Variants in DMRT1 observed in about 807,000 individuals in gnomAD.
DMRT1 encodes the protein doublesex and mab-3 related transcription factor 1, also known as doublesex- and mab-3-related transcription factor 1.
A neutral mutation model predicts 32.3 loss-of-function variants in DMRT1; 7 were observed. That is an observed-to-expected ratio of 0.22 (90% CI 0.12 to 0.41). The LOEUF is 0.41. Ranked by LOEUF, DMRT1 falls within the 10% of genes least tolerant of loss-of-function variation. The pLI is 1.00. For synonymous variants in DMRT1, 278 were observed against 206.1 expected (o/e 1.35, Z -2.99); for missense variants, 625 against 500.5 (o/e 1.25, Z -2.37).
At chr9:914,805 G>A (rs1416853941) in intron 3 of DMRT1, among the ~76,000 whole-genome samples, 1 of 152,128 alleles carries the variant, frequency 6.6e-6, no homozygotes, top group Non-Finnish European at 1.5e-5. Flanking sequence ...CTTGAGAGCA[G>A]TAGAGATCAA....
intron 4 of DMRT1, among the ~76,000 whole-genome samples, chr9:925,804 A>T (rs1171048396): frequency 1.3e-5 from 2 of 152,166 alleles, no homozygotes; most frequent in East Asian, 3.8e-4. Context: ...AAGCATAGAG[A>T]CAGTGCCTGT....
At chr9:877,808 G>T (rs372379545) in intron 2 of DMRT1, among the ~76,000 whole-genome samples, 1 of 152,042 alleles carries the variant, frequency 6.6e-6, no homozygotes, top group East Asian at 1.9e-4. Flanking sequence ...ATGGAGAGTT[G>T]ATTATTTTTC....
At chr9:904,525 G>A (rs1400515940) in intron 3 of DMRT1, among the ~76,000 whole-genome samples, 4 of 152,208 alleles carry the variant, frequency 2.6e-5, no homozygotes, top group African/African-American at 9.6e-5. Context: ...GTATTACAGA[G>A]TATGCGTTAG....
chr9:857,104 C>T (rs997509316), intron 2 of DMRT1, among the ~76,000 whole-genome samples: 4 of 152,128 alleles, frequency 2.6e-5, no homozygotes, highest in Non-Finnish European at 4.4e-5. Context: ...CACCTGAGGT[C>T]AGGAGTTCGA....
intron 3 of DMRT1, among the ~76,000 whole-genome samples, chr9:910,856 A>C (rs988023103): frequency 6.6e-6 from 1 of 152,096 alleles, no homozygotes; most frequent in African/African-American, 2.4e-5. Flanking sequence ...ATTCACTGGA[A>C]TCCTGGGTTT....
intron 2 of DMRT1, among the ~76,000 whole-genome samples, chr9:851,192 C>G (rs1438270960): frequency 6.6e-6 from 1 of 152,070 alleles, no homozygotes. Flanking sequence ...TACCTGATGT[C>G]TAGTGTTTAC....
intron 4 of DMRT1, among the ~76,000 whole-genome samples, chr9:937,197 A>G (rs973222893): frequency 2.6e-5 from 4 of 152,152 alleles, no homozygotes; most frequent in African/African-American, 9.7e-5. Flanking sequence ...TTTATGGCTG[A>G]ATAATATTGC....
intron 4 of DMRT1, among the ~76,000 whole-genome samples, chr9:954,881 C>A (rs565246775): frequency 1.3e-5 from 2 of 152,124 alleles, no homozygotes; most frequent in African/African-American, 4.8e-5. Context: ...ACCTCGTGAT[C>A]TGCCTGCCTC....
intron 2 of DMRT1, among the ~76,000 whole-genome samples, chr9:871,011 C>G (rs980499290): frequency 6.6e-6 from 1 of 151,780 alleles, no homozygotes; most frequent in South Asian, 2.1e-4. Flanking sequence ...CCCATACATT[C>G]AAGCCTTTTA....
At chr9:856,402 C>T (rs1044719433) in intron 2 of DMRT1, among the ~76,000 whole-genome samples, 10 of 152,116 alleles carry the variant, frequency 6.6e-5, no homozygotes, top group Non-Finnish European at 1.2e-4. Flanking sequence ...ATGTACTCTT[C>T]GCTCCAGCCC....
rs1235158869 is a variant in DMRT1 at position 894,006 on chromosome 9, C to A, written c.633C>A (p.Ser211Arg). 2.5e-6 allele frequency: 4 copies of A among 1,614,234 alleles called. No individual in the cohort carries two copies. The highest frequency in any genetic ancestry group is 1.7e-5 in the Admixed American group (1 of 60,026). The change falls in exon 3 of 5, where the codon AGC (serine) becomes AGA (arginine). Residue 211 changes from serine to arginine, a missense_variant. Transcript: ENST00000382276. ...PDLVSDSTYY[S>R]SFYQPSLFPY... Reference sequence around the variant, plus strand: ...TGGTTTCAGACTCCACCTACTACAGCAGCTTCTACCAGCCGTCTCTGTTTC... The same window carrying A: ...TGGTTTCAGACTCCACCTACTACAGAAGCTTCTACCAGCCGTCTCTGTTTC...
At chr9:844,377 T>A (rs978619947) in intron 1 of DMRT1, among the ~76,000 whole-genome samples, 10 of 144,962 alleles carry the variant, frequency 6.9e-5, no homozygotes, top group Non-Finnish European at 1.5e-4. Context: ...TTCCTTTTTA[T>A]ATAATATTTT....
In DMRT1 at chr9:910,358, T is replaced by C. The variant is rs79224765; in HGVS notation, c.823-6405T>C. Among the ~76,000 whole-genome samples the C allele has an allele frequency of 4.6e-3, 697 of 152,078 alleles. 9 individuals are homozygous for C. The highest frequency in any genetic ancestry group is 0.015 in the African/African-American group (631 of 41,474). On this transcript the variant is annotated intron_variant, in intron 3 of 4. Coordinates refer to ENST00000382276, the MANE Select transcript of DMRT1 (RefSeq NM_021951.3). ...GACTGTTCCCCTTTGTTACATCAAC[T>C]CCAGTTTTATGCAGCCATGCGATGT... is the stretch of plus-strand genomic sequence containing the variant.
At chr9:901,839 C>G (rs1382327273) in intron 3 of DMRT1, among the ~76,000 whole-genome samples, 1 of 151,396 alleles carries the variant, frequency 6.6e-6, no homozygotes. Context: ...TTGTTATCCA[C>G]AAGATAACAC....
At chr9:856,137 G>A (rs990377434) in intron 2 of DMRT1, among the ~76,000 whole-genome samples, 2 of 150,866 alleles carry the variant, frequency 1.3e-5, no homozygotes, top group Admixed American at 1.3e-4. Context: ...GGCTGGTCTC[G>A]AATTCCTGAC....
At chr9:920,012 G>T (rs188643913) in intron 4 of DMRT1, among the ~76,000 whole-genome samples, 1 of 152,264 alleles carries the variant, frequency 6.6e-6, no homozygotes, top group South Asian at 2.1e-4. Context: ...TCCAATTATT[G>T]AGGTAAAGAA....
chr9:845,238 C>G (rs1838856721), intron 1 of DMRT1, among the ~76,000 whole-genome samples: 1 of 151,936 alleles, frequency 6.6e-6, no homozygotes, highest in Admixed American at 6.6e-5. Context: ...GAGACGGAGT[C>G]TTGCTCCATT....
chr9:909,705 G>A (rs902811697), intron 3 of DMRT1, among the ~76,000 whole-genome samples: 1 of 94,014 alleles, frequency 1.1e-5, no homozygotes, highest in East Asian at 3.3e-4. Flanking sequence ...GAATACCAAG[G>A]GAGTTTTTTT....
intron 4 of DMRT1, among the ~76,000 whole-genome samples, chr9:955,731 C>A (rs1257237989): frequency 6.6e-6 from 1 of 152,192 alleles, no homozygotes; most frequent in Admixed American, 6.5e-5. Context: ...AAAACTAAAT[C>A]CTGCGTTTCA....
Sources: gnomAD v4.1 joint callset for allele counts (sites outside exome capture counted in the v4.1 genomes callset) on GRCh38, gnomAD v4.1.1 for gene constraint, MANE v1.5 for transcripts, NCBI Gene and HGNC (gene_info 2026-07-23, HGNC 2026-07-21) for gene names.